Variants in AKAP19 observed in about 807,000 individuals in gnomAD.
The protein encoded by AKAP19 is A-kinase anchoring protein 19, also known as small A-kinase anchoring protein.
chr2:190,042,723 T>A, the AKAP19 span, among the ~76,000 whole-genome samples: 1 of 152,196 alleles, frequency 6.6e-6, no homozygotes, highest in East Asian at 1.9e-4. Context: ...ATTAAGACCT[T>A]TATCACTTCT....
chr2:190,162,249 G>A, the AKAP19 span, among the ~76,000 whole-genome samples: 4 of 152,100 alleles, frequency 2.6e-5, no homozygotes, highest in African/African-American at 7.2e-5. Context: ...TTTAAAAATT[G>A]TAATACAGTA....
the AKAP19 span, chr2:190,180,751 CTGGAGGCCAGG>C: frequency 1.0e-6 from 1 of 985,182 alleles, no homozygotes; most frequent in Admixed American, 6.2e-5. This position sits in a 1 kb window ranked among gnomAD's most constrained non-coding sequence, Gnocchi z 6.8. Flanking sequence ...GGGCGGCCAT[CTGGAGGCCAGG>C]TGCGGGCCGC....
the AKAP19 span, among the ~76,000 whole-genome samples, chr2:190,156,994 C>G: frequency 6.6e-6 from 1 of 152,108 alleles, no homozygotes; most frequent in Non-Finnish European, 1.5e-5. Context: ...GTGAGTGCCC[C>G]TCAGTAGACA....
chr2:190,116,208 C>T, the AKAP19 span, among the ~76,000 whole-genome samples: 2 of 152,152 alleles, frequency 1.3e-5, no homozygotes, highest in East Asian at 3.8e-4. Flanking sequence ...TAAAAAATAC[C>T]TGAGACCAAG....
the AKAP19 span, among the ~76,000 whole-genome samples, chr2:190,067,977 G>A: frequency 1.3e-5 from 2 of 152,062 alleles, no homozygotes; most frequent in Non-Finnish European, 2.9e-5. Context: ...GAGGCAGATT[G>A]GATCATTTGA....
At chr2:189,911,858 A>G in the AKAP19 span, among the ~76,000 whole-genome samples, 8 of 151,916 alleles carry the variant, frequency 5.3e-5, no homozygotes, top group African/African-American at 1.9e-4. Flanking sequence ...ATATTTCTTA[A>G]AAAGCTCTAT....
chr2:189,979,805 T>C, the AKAP19 span, among the ~76,000 whole-genome samples: 2 of 151,760 alleles, frequency 1.3e-5, no homozygotes, highest in African/African-American at 4.8e-5. Context: ...AAGCAGCCAA[T>C]AAACATGAAA....
the AKAP19 span, among the ~76,000 whole-genome samples, chr2:190,136,627 T>TC: frequency 6.6e-6 from 1 of 152,060 alleles, no homozygotes; most frequent in Non-Finnish European, 1.5e-5. Flanking sequence ...TCAGCTATTC[T>TC]CCCCCAAAGG....
the AKAP19 span, among the ~76,000 whole-genome samples, chr2:190,037,125 A>G: frequency 6.6e-6 from 1 of 152,254 alleles, no homozygotes; most frequent in East Asian, 1.9e-4. Flanking sequence ...AAATGGCTCA[A>G]CTGCTAGGGC....
At chr2:189,958,276 T>TA in the AKAP19 span, among the ~76,000 whole-genome samples, 176 of 152,102 alleles carry the variant, frequency 1.2e-3, no homozygotes, top group African/African-American at 4.1e-3. Context: ...ATAAACAGTC[T>TA]AAAAAATACT....
chr2:190,191,885 G>A, the AKAP19 span, among the ~76,000 whole-genome samples: 32 of 151,678 alleles, frequency 2.1e-4, no homozygotes, highest in Admixed American at 3.3e-4. Context: ...ATGATGACTT[G>A]CAAATATTTT....
the AKAP19 span, among the ~76,000 whole-genome samples, chr2:190,024,480 A>T: frequency 1.3e-5 from 2 of 152,012 alleles, no homozygotes; most frequent in African/African-American, 4.8e-5. Context: ...ATATTTATAT[A>T]TACTCATTGC....
At chr2:190,019,423 G>A in the AKAP19 span, among the ~76,000 whole-genome samples, 3 of 152,252 alleles carry the variant, frequency 2.0e-5, no homozygotes, top group East Asian at 5.8e-4. Context: ...CTGGGCATGA[G>A]GCTGGCCATC....
chr2:190,149,102 T>G, the AKAP19 span, among the ~76,000 whole-genome samples: 1 of 152,170 alleles, frequency 6.6e-6, no homozygotes, highest in Non-Finnish European at 1.5e-5. Context: ...TAGCTGGGAT[T>G]ACAGGCATGT....
the AKAP19 span, among the ~76,000 whole-genome samples, chr2:190,007,721 G>A: frequency 2.0e-5 from 3 of 152,194 alleles, no homozygotes; most frequent in African/African-American, 7.2e-5. Context: ...AGCACTTTGG[G>A]AGGCTGAGGT....
chr2:189,949,967 C>G, the AKAP19 span, among the ~76,000 whole-genome samples: 3 of 150,126 alleles, frequency 2.0e-5, no homozygotes, highest in Non-Finnish European at 4.4e-5. Context: ...TGTAACTCTT[C>G]CAAGGTTTGA....
At chr2:190,146,764 A>G in the AKAP19 span, among the ~76,000 whole-genome samples, 1 of 152,060 alleles carries the variant, frequency 6.6e-6, no homozygotes, top group East Asian at 1.9e-4. Flanking sequence ...GATGTTGAAC[A>G]TTTTTTCATG....
At chr2:189,924,265 C>T in the AKAP19 span, 71 of 1,259,940 alleles carry the variant, frequency 5.6e-5, 1 homozygote, top group East Asian at 4.4e-4. Context: ...TTTACCTAGG[C>T]GCTTGTCTAA....
the AKAP19 span, among the ~76,000 whole-genome samples, chr2:190,000,417 GT>G: frequency 6.6e-6 from 1 of 152,162 alleles, no homozygotes; most frequent in Non-Finnish European, 1.5e-5. Flanking sequence ...CTGACTAAAA[GT>G]TTGCTTTGTT....
Sources: gnomAD v4.1 joint callset for allele counts (sites outside exome capture counted in the v4.1 genomes callset) on GRCh38, gnomAD v4.1.1 for gene constraint, Gnocchi (gnomAD v3.1) non-coding constraint, MANE v1.5 for transcripts, NCBI Gene and HGNC (gene_info 2026-07-23, HGNC 2026-07-21) for gene names.